The following LRBA variants were observed in gnomAD, a reference collection of about 807,000 sequenced individuals.
The protein encoded by LRBA is lipopolysaccharide-responsive and beige-like anchor protein.
LRBA carries 176 observed loss-of-function variants against 330.0 expected under a neutral mutation model. The observed-to-expected ratio is 0.53, with a 90% CI of 0.47 to 0.60. The LOEUF is 0.60. Among genes scored for constraint, LRBA ranks in the 20% least tolerant of loss-of-function variants. LRBA has a pLI of 0.00. For synonymous variants in LRBA, 1,230 were observed against 1,193.0 expected, an observed-to-expected ratio of 1.03 and a Z score of -0.64; for missense variants, 3,259 against 3,444.8, an observed-to-expected ratio of 0.95 and a Z score of 1.35.
intron 37 of LRBA, among the ~76,000 whole-genome samples, chr4:150,642,213 A>G (rs1278914466): frequency 6.6e-6 from 1 of 151,974 alleles, no homozygotes; most frequent in Non-Finnish European, 1.5e-5. Context: ...TAAATTCTGC[A>G]TGTATTTCAA....
At chr4:150,949,154 T>C (rs577195768) in intron 2 of LRBA, among the ~76,000 whole-genome samples, 1 of 152,032 alleles carries the variant, frequency 6.6e-6, no homozygotes, top group Non-Finnish European at 1.5e-5. Context: ...ATATTTACAG[T>C]AGTTTTGTTG....
At chr4:150,810,794 G>A (rs1743606594) in intron 31 of LRBA, among the ~76,000 whole-genome samples, 5 of 152,004 alleles carry the variant, frequency 3.3e-5, no homozygotes, top group Admixed American at 3.3e-4. Context: ...TAGAGACAGG[G>A]TCTCATTATG....
At chr4:150,984,497 G>A (rs1465968532) in intron 2 of LRBA, among the ~76,000 whole-genome samples, 2 of 150,746 alleles carry the variant, frequency 1.3e-5, no homozygotes, top group African/African-American at 2.4e-5. Context: ...CAACAAGAGC[G>A]AAAGTCCGTC....
intron 46 of LRBA, among the ~76,000 whole-genome samples, chr4:150,434,711 C>A (rs925294535): frequency 6.6e-6 from 1 of 151,940 alleles, no homozygotes; most frequent in Non-Finnish European, 1.5e-5. Flanking sequence ...ATTAGCCTAG[C>A]GTGGTGGTAC....
intron 40 of LRBA, among the ~76,000 whole-genome samples, chr4:150,500,435 A>T (rs1013429434): frequency 6.6e-6 from 1 of 151,896 alleles, no homozygotes; most frequent in African/African-American, 2.4e-5. Context: ...AAATTAGCTG[A>T]GTCTGGTGGC....
intron 35 of LRBA, among the ~76,000 whole-genome samples, chr4:150,741,517 A>C (rs957474020): frequency 6.6e-6 from 1 of 152,192 alleles, no homozygotes; most frequent in Non-Finnish European, 1.5e-5. Context: ...AGTTATATCA[A>C]AGATGTGAAG....
At chr4:150,340,002 T>A (rs1735293730) in intron 48 of LRBA, among the ~76,000 whole-genome samples, 1 of 152,094 alleles carries the variant, frequency 6.6e-6, no homozygotes, top group Admixed American at 6.5e-5. Flanking sequence ...ATTCTTGTGA[T>A]GGTAAGTTCT....
chr4:150,701,622 T>C (rs2126998074), intron 36 of LRBA, among the ~76,000 whole-genome samples: 2 of 152,330 alleles, frequency 1.3e-5, no homozygotes, highest in South Asian at 4.1e-4. Flanking sequence ...CATGACTGTG[T>C]ATATATAAAG....
intron 46 of LRBA, among the ~76,000 whole-genome samples, chr4:150,432,468 T>TTTTTTTTTTTTC (rs1750546666): frequency 8.2e-6 from 1 of 121,224 alleles, no homozygotes; most frequent in African/African-American, 2.8e-5. Context: ...TTTTTTTTTT[T>TTTTTTTTTTTTC]TTTTTTTTTG....
Position 150,494,987 on chromosome 4 carries a change from G to A in LRBA, c.6331-3952C>T, listed in dbSNP as rs181711336. Among the ~76,000 whole-genome samples the A allele has an allele frequency of 2.6e-3, 385 of 150,612 alleles. 7 individuals are homozygous for A. Among genetic ancestry groups the A allele is most frequent in the Admixed American group, 0.023 (348 of 15,130 alleles). On this transcript the variant is annotated intron_variant, in intron 40 of 56. Coordinates refer to ENST00000651943, the MANE Select transcript of LRBA (RefSeq NM_001364905.1). ...TGCACTCCAGCCTGGGTGACACAGC[G>A]AGACTCTGTCTCAAAAAAAAAAAAA...
At chr4:150,432,562 A>C (rs1372709342) in intron 46 of LRBA, among the ~76,000 whole-genome samples, 8 of 138,890 alleles carry the variant, frequency 5.8e-5, no homozygotes, top group African/African-American at 2.2e-4. Context: ...GGTTCACGCC[A>C]TTCTCCTGCC....
intron 22 of LRBA, among the ~76,000 whole-genome samples, chr4:150,865,612 A>G (rs1752575121): frequency 1.3e-5 from 2 of 152,320 alleles, no homozygotes; most frequent in South Asian, 4.1e-4. Flanking sequence ...CTTTCTCTCA[A>G]TGAAGAAAGA....
intron 48 of LRBA, among the ~76,000 whole-genome samples, chr4:150,344,499 A>G (rs1455813583): frequency 6.6e-6 from 1 of 152,206 alleles, no homozygotes; most frequent in Admixed American, 6.5e-5. Flanking sequence ...CTAAACAAAC[A>G]TATTAGTAAC....
intron 13 of LRBA, 99 bp from the exon 14 acceptor site, chr4:150,900,316 A>G: frequency 1.3e-6 from 1 of 776,284 alleles, no homozygotes; most frequent in Non-Finnish European, 2.1e-6. Flanking sequence ...GCTTCTTCCA[A>G]AAAGTAAGAT....
chr4:150,503,367 C>T (rs921362150), intron 40 of LRBA, among the ~76,000 whole-genome samples: 9 of 152,146 alleles, frequency 5.9e-5, no homozygotes, highest in Non-Finnish European at 1.2e-4. Flanking sequence ...TCCAGAGGAA[C>T]GATCAGGCAG....
At chr4:150,496,860 T>G (rs1029898725) in intron 40 of LRBA, among the ~76,000 whole-genome samples, 1 of 152,056 alleles carries the variant, frequency 6.6e-6, no homozygotes, top group East Asian at 1.9e-4. Flanking sequence ...AAAATGTTGT[T>G]AGCCAAATAT....
At chr4:150,345,331 C>G (rs898811884) in intron 48 of LRBA, among the ~76,000 whole-genome samples, 2 of 152,108 alleles carry the variant, frequency 1.3e-5, no homozygotes, top group Non-Finnish European at 2.9e-5. Context: ...AAATTAATGA[C>G]CTATTCATGT....
At chr4:150,523,982 T>A (rs1272917667) in intron 40 of LRBA, among the ~76,000 whole-genome samples, 3 of 152,238 alleles carry the variant, frequency 2.0e-5, no homozygotes, top group African/African-American at 7.2e-5. Context: ...CATTATGGAC[T>A]AACAATTATT....
intron 33 of LRBA, among the ~76,000 whole-genome samples, chr4:150,803,481 A>C (rs1742066200): frequency 6.6e-6 from 1 of 152,112 alleles, no homozygotes; most frequent in African/African-American, 2.4e-5. Context: ...TTTAATACTA[A>C]AAAACTCATA....
Sources: allele counts gnomAD v4.1 joint callset (sites outside exome capture counted in the v4.1 genomes callset), GRCh38; gene constraint gnomAD v4.1.1; transcripts MANE v1.5; gene names NCBI Gene and HGNC (gene_info 2026-07-23, HGNC 2026-07-21).